ZNF398: variants seen among roughly 807,000 people sequenced by gnomAD.
The protein encoded by ZNF398 is zinc finger DNA binding protein ZER6.
Under a neutral mutation model 41.9 loss-of-function variants are expected in ZNF398, and 18 were observed. That is an observed-to-expected ratio of 0.43 (90% CI 0.30 to 0.64). The LOEUF (loss-of-function observed/expected upper bound fraction) is 0.64, where lower values mean the gene tolerates loss of function less well. Among genes scored for constraint, ZNF398 ranks in the 30% least tolerant of loss-of-function variants. ZNF398 has a pLI of 0.14. For synonymous variants in ZNF398, 260 were observed against 308.8 expected (o/e 0.84, Z 1.66); for missense variants, 669 against 822.8 (o/e 0.81, Z 2.29).
chr7:149,170,999 A>G (rs908938646), intron 4 of ZNF398, among the ~76,000 whole-genome samples: 1 of 141,590 alleles, frequency 7.1e-6, no homozygotes, highest in Non-Finnish European at 1.5e-5. Flanking sequence ...ACGTGCCACC[A>G]CGCCCGGCTA....
chr7:149,169,458 G>T (rs1245145947), intron 4 of ZNF398, among the ~76,000 whole-genome samples: 1 of 152,106 alleles, frequency 6.6e-6, no homozygotes, highest in Non-Finnish European at 1.5e-5. Context: ...TTTAAGACAA[G>T]GTCTGGCTCT....
At chr7:149,170,317 G>C (rs1290987115) in intron 4 of ZNF398, among the ~76,000 whole-genome samples, 1 of 152,076 alleles carries the variant, frequency 6.6e-6, no homozygotes, top group Non-Finnish European at 1.5e-5. Context: ...ATAGCCTATT[G>C]CTTCTAGGCT....
intron 2 of ZNF398, among the ~76,000 whole-genome samples, chr7:149,129,421 C>A (rs1409145772): frequency 6.6e-6 from 1 of 152,000 alleles, no homozygotes; most frequent in Admixed American, 6.6e-5. Flanking sequence ...GCTCTGTTGC[C>A]CAGGCTAGAG....
chr7:149,146,503 T>TG (rs1172330715), upstream of ZNF398, among the ~76,000 whole-genome samples: 5 of 152,176 alleles, frequency 3.3e-5, no homozygotes, highest in Non-Finnish European at 7.3e-5. Context: ...GAGCCTTGTT[T>TG]GTGCCACTTG....
At chr7:149,164,820 G>T (rs971400527) in intron 2 of ZNF398, among the ~76,000 whole-genome samples, 1 of 152,140 alleles carries the variant, frequency 6.6e-6, no homozygotes, top group African/African-American at 2.4e-5. Context: ...GGGAGGCCGG[G>T]CACGGTGGCT....
At chr7:149,136,444 T>G (rs115582942) in intron 2 of ZNF398, among the ~76,000 whole-genome samples, 114 of 152,328 alleles carry the variant, frequency 7.5e-4, no homozygotes, top group African/African-American at 2.5e-3. Flanking sequence ...TTATATCTGT[T>G]ATCTGTTTTT....
chr7:149,176,515 G>C lies in ZNF398; in HGVS notation c.709G>C (p.Glu237Gln). 2 of 1,613,696 alleles carry C rather than the reference G, an allele frequency of 1.2e-6. No individual in the cohort carries two copies. The highest frequency in any genetic ancestry group is 1.7e-6 in the Non-Finnish European group (2 of 1,179,936). ...TATTCTGTCTTGGATTAAACAAGAA[G>C]AAGAGCCTCAGGTTGGGGCCCCACC... ...SDILSWIKQEEEPQVGAPPES... is the reference protein window; with the variant it reads ...SDILSWIKQEQEPQVGAPPES... Residue 237 changes from glutamate to glutamine, a missense_variant, in exon 5 of 6, where the codon GAA (glutamate) becomes CAA (glutamine). Around this residue, in one of 3 missense-constraint regions of ZNF398, gnomAD observed 290 missense variants for 292.9 expected, o/e 0.99. Transcript: ENST00000475153.
chr7:149,166,107 G>A (rs769725380), intron 2 of ZNF398, 51 bp from the exon 3 acceptor site: 4 of 1,549,164 alleles, frequency 2.6e-6, no homozygotes, highest in Middle Eastern at 1.7e-4. Flanking sequence ...GAGATTTATT[G>A]AATGACTGAA....
At chr7:149,155,429 CA>C (rs1244116183) in intron 2 of ZNF398, among the ~76,000 whole-genome samples, 1 of 151,842 alleles carries the variant, frequency 6.6e-6, no homozygotes, top group Admixed American at 6.6e-5. Flanking sequence ...CCAACAACGA[CA>C]AAAAAGAAGA....
At position 149,147,534 on chromosome 7, in the gene ZNF398, T is replaced by G. The variant is rs868385291; in HGVS notation, c.-209T>G. Reference sequence around the variant, plus strand: ...AGTCGGCCTCGCGACCCCAGCTTGATCCGCCGCCTGCTGCACCGCGCCTCC... The same window carrying G: ...AGTCGGCCTCGCGACCCCAGCTTGAGCCGCCGCCTGCTGCACCGCGCCTCC... On this transcript the variant is annotated 5_prime_UTR_variant, in exon 1 of 6. Transcript: ENST00000475153. The surrounding 1 kb of genome is among the most constrained non-coding windows in gnomAD (Gnocchi z 5.6). The G allele has an allele frequency of 1.5e-5, 6 of 393,082 alleles. No homozygotes were observed. The highest frequency in any genetic ancestry group is 1.3e-4 in the African/African-American group (6 of 47,006). 24.3% of individuals were successfully genotyped at this position (393,082 alleles called of 1,614,324 possible).
intron 2 of ZNF398, among the ~76,000 whole-genome samples, chr7:149,164,660 G>C (rs1795188848): frequency 6.6e-6 from 1 of 152,142 alleles, no homozygotes; most frequent in Non-Finnish European, 1.5e-5. Flanking sequence ...AATATGTAAG[G>C]CACCAGATGC....
At position 149,166,162 on chromosome 7, in the gene ZNF398, C is replaced by A. The variant is rs765783378; in HGVS notation, c.425C>A (p.Pro142His). 1 of 1,613,400 alleles carries A rather than the reference C, an allele frequency of 6.2e-7. No individual in the cohort carries two copies. The highest frequency in any genetic ancestry group is 8.5e-7 in the Non-Finnish European group (1 of 1,179,752). The change falls in exon 3 of 6, where the codon CCT (proline) becomes CAT (histidine). Residue 142 changes from proline (P) to histidine (H), a missense_variant. Physicochemically the swap from Pro to His is moderately conservative, Grantham distance 77 (BLOSUM62 -2). Around this residue, in one of 3 missense-constraint regions of ZNF398, gnomAD observed 169 missense variants for 239.5 expected, o/e 0.71. Transcript: ENST00000475153. ...CCCATGTGATTGTAATTTTAGGTGC[C>A]TGTGGCATTTGATGATGTCTCCATC... ...PGIKGDIPKV[P>H]VAFDDVSIYF...
chr7:149,140,097 A>G (rs1826790581), intron 2 of ZNF398, among the ~76,000 whole-genome samples: 1 of 152,212 alleles, frequency 6.6e-6, no homozygotes, highest in African/African-American at 2.4e-5. Flanking sequence ...GTTGAAGTAT[A>G]TATGAATATA....
intron 4 of ZNF398, among the ~76,000 whole-genome samples, chr7:149,171,807 G>A (rs74651760): frequency 1.3e-5 from 2 of 152,280 alleles, no homozygotes; most frequent in East Asian, 3.9e-4. Flanking sequence ...CAAATAGCCT[G>A]TAGGCTCAAA....
intron 4 of ZNF398, among the ~76,000 whole-genome samples, chr7:149,173,093 ATTTTTTTTTTT>A (rs71192762): frequency 0.016 from 1,042 of 64,994 alleles, 14 homozygotes; most frequent in African/African-American, 0.055. Flanking sequence ...GGCAATTTCT[ATTTTTTTTTTT>A]TTTTTTTTTT....
At chr7:149,146,628 C>A (rs186993517), upstream of ZNF398, among the ~76,000 whole-genome samples, 356 of 151,738 alleles carry the variant, frequency 2.3e-3, 1 homozygote, top group Non-Finnish European at 3.8e-3. Context: ...GCGGGTGGAT[C>A]ATTTGAGGTC....
intron 4 of ZNF398, among the ~76,000 whole-genome samples, chr7:149,174,722 A>G (rs1795426386): frequency 6.6e-6 from 1 of 152,138 alleles, no homozygotes; most frequent in East Asian, 1.9e-4. Context: ...GCTACTAGGG[A>G]GACCGAGGTG....
chr7:149,147,515 C>A lies in ZNF398; in HGVS notation c.-228C>A. On this transcript the variant is annotated 5_prime_UTR_variant, in exon 1 of 6. Coordinates refer to ENST00000475153, the MANE Select transcript of ZNF398 (RefSeq NM_170686.3). The surrounding 1 kb of genome is among the most constrained non-coding windows in gnomAD (Gnocchi z 5.6). ...TGCGGGTGGAGTGCGGCGGAGTCGG[C>A]CTCGCGACCCCAGCTTGATCCGCCG... 1 of 340,162 alleles carries A rather than the reference C, an allele frequency of 2.9e-6. No homozygotes were observed. The highest frequency in any genetic ancestry group is 5.1e-6 in the Non-Finnish European group (1 of 196,446). 21.1% of individuals were successfully genotyped at this position (340,162 alleles called of 1,614,324 possible).
intron 2 of ZNF398, among the ~76,000 whole-genome samples, chr7:149,154,981 C>T (rs986564310): frequency 1.7e-5 from 2 of 120,784 alleles, no homozygotes; most frequent in African/African-American, 5.7e-5. Flanking sequence ...AAGAGCAAAA[C>T]TCCTTCTAAA....
Sources: gnomAD v4.1 joint callset for allele counts (sites outside exome capture counted in the v4.1 genomes callset) on GRCh38, gnomAD v4.1.1 for gene constraint, gnomAD v4.1.1 regional missense constraint, Gnocchi (gnomAD v3.1) non-coding constraint, MANE v1.5 for transcripts, NCBI Gene and HGNC (gene_info 2026-07-23, HGNC 2026-07-21) for gene names.